HDAC9: variants seen among roughly 807,000 people sequenced by gnomAD.
The protein encoded by HDAC9 is histone deacetylase 9.
A neutral mutation model predicts 139.4 loss-of-function variants in HDAC9; 41 were observed. The ratio of observed to expected loss-of-function variants is 0.29; its 90% CI spans 0.23 to 0.38. The LOEUF is 0.38. Ranked by LOEUF, HDAC9 falls within the 10% of genes least tolerant of loss-of-function variation. The pLI, the probability that HDAC9 is intolerant of heterozygous loss-of-function variation, is 1.00. For missense variants in HDAC9, 1,147 were observed against 1,297.0 expected (o/e 0.88, Z 1.78); for synonymous variants, 517 against 476.2 (o/e 1.09, Z -1.12).
At chr7:18,340,218 G>T (rs1376179979) in intron 1 of HDAC9, among the ~76,000 whole-genome samples, 1 of 151,382 alleles carries the variant, frequency 6.6e-6, no homozygotes, top group Non-Finnish European at 1.5e-5. Flanking sequence ...TGTTAGCATA[G>T]TATATCTTTT....
At chr7:18,910,395 T>G (rs998609413) in intron 22 of HDAC9, among the ~76,000 whole-genome samples, 4 of 152,032 alleles carry the variant, frequency 2.6e-5, no homozygotes, top group Admixed American at 2.6e-4. Context: ...TTTTGTAGGT[T>G]GATTTTGTAT....
At chr7:18,341,844 G>A (rs911806038) in intron 1 of HDAC9, among the ~76,000 whole-genome samples, 2 of 151,440 alleles carry the variant, frequency 1.3e-5, no homozygotes, top group Non-Finnish European at 3.0e-5. Context: ...AAAATTTTTT[G>A]TACTTCTATA....
chr7:18,918,666 AC>A (rs1803424009), intron 22 of HDAC9, among the ~76,000 whole-genome samples: 1 of 152,012 alleles, frequency 6.6e-6, no homozygotes, highest in Non-Finnish European at 1.5e-5. Context: ...TGCATTCATA[AC>A]ACAGTTTGAC....
chr7:18,657,527 G>T (rs1791615428), intron 11 of HDAC9, among the ~76,000 whole-genome samples: 1 of 152,116 alleles, frequency 6.6e-6, no homozygotes, highest in Non-Finnish European at 1.5e-5. Context: ...GGATCCTAAA[G>T]ATTATCAGGG....
chr7:18,522,238 G>A (rs1436790236), intron 2 of HDAC9, among the ~76,000 whole-genome samples: 1 of 152,048 alleles, frequency 6.6e-6, no homozygotes, highest in Non-Finnish European at 1.5e-5. Context: ...AAGCACTTAG[G>A]GCCATTCAGA....
intron 1 of HDAC9, among the ~76,000 whole-genome samples, chr7:18,432,898 C>T (rs1373296607): frequency 4.6e-5 from 7 of 151,398 alleles, no homozygotes; most frequent in Non-Finnish European, 1.0e-4. Context: ...TTGCAGTGAG[C>T]CGAGATCGCG....
chr7:18,857,167 T>A (rs1200151874), intron 21 of HDAC9, among the ~76,000 whole-genome samples: 4 of 152,176 alleles, frequency 2.6e-5, no homozygotes, highest in Admixed American at 6.5e-5. Context: ...CTGGAAGTAT[T>A]TATTTTCTTT....
chr7:18,620,344 T>C (rs1401426902), intron 6 of HDAC9, among the ~76,000 whole-genome samples: 2 of 152,088 alleles, frequency 1.3e-5, no homozygotes, highest in African/African-American at 2.4e-5. Flanking sequence ...AAATTTATTT[T>C]TAAACTGAAT....
At chr7:18,509,356 T>C in intron 2 of HDAC9, 1 of 985,452 alleles carries the variant, frequency 1.0e-6, no homozygotes, top group Non-Finnish European at 1.2e-6. Flanking sequence ...GACTGTCAGC[T>C]ACGATTTTCT....
At chr7:18,962,058 C>G (rs1783558711) in intron 24 of HDAC9, among the ~76,000 whole-genome samples, 2 of 152,202 alleles carry the variant, frequency 1.3e-5, no homozygotes, top group African/African-American at 4.8e-5. Context: ...TGCCAAAGTA[C>G]AAGAAGCCAT....
intron 1 of HDAC9, among the ~76,000 whole-genome samples, chr7:18,473,094 G>T (rs1232877624): frequency 6.6e-6 from 1 of 152,164 alleles, no homozygotes; most frequent in Non-Finnish European, 1.5e-5. Context: ...TGAGATCACT[G>T]GCCTTGCTGA....
chr7:18,109,987 G>T (rs374723630), intron 1 of HDAC9, among the ~76,000 whole-genome samples: 3 of 152,264 alleles, frequency 2.0e-5, no homozygotes, highest in African/African-American at 7.2e-5. Flanking sequence ...CCAGGCCTCA[G>T]ATCTGCTCAG....
intron 12 of HDAC9, among the ~76,000 whole-genome samples, chr7:18,725,556 T>G (rs1785478557): frequency 6.6e-6 from 1 of 152,064 alleles, no homozygotes; most frequent in Admixed American, 6.6e-5. Context: ...ATAGGACTGG[T>G]TGGTATTAGA....
At chr7:18,504,688 C>T (rs1799284821) in intron 2 of HDAC9, among the ~76,000 whole-genome samples, 1 of 152,086 alleles carries the variant, frequency 6.6e-6, no homozygotes, top group South Asian at 2.1e-4. Flanking sequence ...GACACAATGG[C>T]TAATGTTTCA....
intron 13 of HDAC9, among the ~76,000 whole-genome samples, chr7:18,731,592 C>G (rs545308615): frequency 6.6e-6 from 1 of 152,260 alleles, no homozygotes; most frequent in African/African-American, 2.4e-5. Flanking sequence ...TTCCTGAGAG[C>G]AGAAAGTAGG....
chr7:18,991,514 G>A (rs186401500), intron 25 of HDAC9, among the ~76,000 whole-genome samples: 1 of 152,266 alleles, frequency 6.6e-6, no homozygotes, highest in Admixed American at 6.5e-5. Flanking sequence ...GCAGGCACCT[G>A]TAGTCCCAGC....
At chr7:18,573,625 G>A (rs901398723) in intron 2 of HDAC9, among the ~76,000 whole-genome samples, 1 of 152,222 alleles carries the variant, frequency 6.6e-6, no homozygotes, top group Non-Finnish European at 1.5e-5. Context: ...ATTGAGTGCA[G>A]GGTCTAGCCA....
intron 2 of HDAC9, among the ~76,000 whole-genome samples, chr7:18,169,653 C>T (rs575788947): frequency 7.6e-4 from 115 of 152,118 alleles, no homozygotes; most frequent in Non-Finnish European, 1.2e-3. Flanking sequence ...ATGTTCCCCG[C>T]CCTATGTCCA....
At chr7:18,705,495 T>C (rs1022055695) in intron 12 of HDAC9, among the ~76,000 whole-genome samples, 6 of 152,238 alleles carry the variant, frequency 3.9e-5, no homozygotes, top group African/African-American at 1.4e-4. Flanking sequence ...TGGGTGTGCA[T>C]ATTCTATTCC....
Sources: gnomAD v4.1 joint callset for allele counts (sites outside exome capture counted in the v4.1 genomes callset) on GRCh38, gnomAD v4.1.1 for gene constraint, MANE v1.5 for transcripts, NCBI Gene and HGNC (gene_info 2026-07-23, HGNC 2026-07-21) for gene names.